Variants in MPDZ observed in about 807,000 individuals in gnomAD.
MPDZ encodes the protein multiple PDZ domain protein.
A neutral mutation model predicts 239.1 loss-of-function variants in MPDZ; 234 were observed. The observed-to-expected ratio is 0.98, with a 90% CI of 0.88 to 1.09. The LOEUF is 1.09. Among genes scored for constraint, MPDZ ranks in the 50% least tolerant of loss-of-function variants. MPDZ has a pLI of 0.00. For missense variants in MPDZ, 3,175 were observed against 2,510.0 expected (o/e 1.26, Z -5.66); for synonymous variants, 1,048 against 881.3 (o/e 1.19, Z -3.35).
At chr9:13,227,942 G>A (rs2136561105) in intron 3 of MPDZ, among the ~76,000 whole-genome samples, 1 of 152,152 alleles carries the variant, frequency 6.6e-6, no homozygotes, top group Non-Finnish European at 1.5e-5. Context: ...AGGCACCTTT[G>A]ATTATGCTGT....
rs1052016394 is a variant in MPDZ at position 13,186,304 on chromosome 9, G to A, written c.2447C>T (p.Ala816Val). 1.9e-6 allele frequency: 3 copies of A among 1,594,490 alleles called. No individual in the cohort carries two copies. The highest frequency in any genetic ancestry group is 2.6e-6 in the Non-Finnish European group (3 of 1,169,800). ...GTCAGCCCTGAAGAGGGGTTTGTCA[G>A]CCAGCCCTGCTTCCTCACAGGAGTG... ...PPHSCEEAGL[A>V]DKPLFRADLA... is the part of the protein sequence containing the mutation. The change falls in exon 18 of 47, where the codon GCT (alanine) becomes GTT (valine). Residue 816 changes from alanine (A) to valine (V), a missense_variant. By Grantham distance (64) the Ala-to-Val change is moderately conservative. Transcript: ENST00000319217.
intron 2 of MPDZ, among the ~76,000 whole-genome samples, chr9:13,248,507 T>C (rs1480718990): frequency 6.6e-6 from 1 of 152,084 alleles, no homozygotes; most frequent in Non-Finnish European, 1.5e-5. Flanking sequence ...CCACCACAAA[T>C]AATAGTTAAA....
At chr9:13,171,391 G>A (rs770294138) in intron 21 of MPDZ, among the ~76,000 whole-genome samples, 1 of 152,224 alleles carries the variant, frequency 6.6e-6, no homozygotes, top group Non-Finnish European at 1.5e-5. Context: ...GTATTGTACG[G>A]TCTATGTGAA....
At chr9:13,182,266 G>C (rs1436943049) in intron 19 of MPDZ, among the ~76,000 whole-genome samples, 1 of 151,660 alleles carries the variant, frequency 6.6e-6, no homozygotes, top group African/African-American at 2.4e-5. Flanking sequence ...GTATGTTTAT[G>C]GTATATTTCC....
intron 26 of MPDZ, among the ~76,000 whole-genome samples, chr9:13,144,732 G>C (rs571841126): frequency 6.6e-6 from 1 of 152,168 alleles, no homozygotes; most frequent in East Asian, 1.9e-4. Flanking sequence ...TTTTCCTACA[G>C]AGGGAAGACA....
intron 1 of MPDZ, among the ~76,000 whole-genome samples, chr9:13,277,447 C>CA (rs1048399734): frequency 1.1e-4 from 16 of 152,152 alleles, no homozygotes; most frequent in Admixed American, 1.0e-3. Flanking sequence ...AAGGGGTACC[C>CA]AAAACTAGTT....
intron 3 of MPDZ, among the ~76,000 whole-genome samples, chr9:13,236,431 T>A (rs1246081283): frequency 6.7e-6 from 1 of 150,228 alleles, no homozygotes; most frequent in Non-Finnish European, 1.5e-5. Flanking sequence ...TACAGGCATG[T>A]ACCACCCACC....
chr9:13,220,314 A>G (rs1232031220), intron 7 of MPDZ, among the ~76,000 whole-genome samples: 1 of 152,006 alleles, frequency 6.6e-6, no homozygotes, highest in African/African-American at 2.4e-5. Context: ...ATGAGCCTCC[A>G]TACACATGCA....
intron 12 of MPDZ, among the ~76,000 whole-genome samples, chr9:13,198,876 G>A (rs1193904852): frequency 1.3e-5 from 2 of 151,292 alleles, no homozygotes; most frequent in African/African-American, 2.4e-5. Flanking sequence ...TGGCTATTTG[G>A]AGTCATTTGT....
At chr9:13,244,837 C>G (rs777225023) in intron 3 of MPDZ, among the ~76,000 whole-genome samples, 2 of 152,056 alleles carry the variant, frequency 1.3e-5, no homozygotes, top group African/African-American at 4.8e-5. Context: ...GTCATTAATA[C>G]AACAATATGA....
rs199812658 is a variant in MPDZ, at chr9:13,217,249, C to T, written c.1132G>A (p.Val378Ile). The change falls in exon 9 of 47, where the codon GTA becomes ATA. Residue 378 changes from valine to isoleucine, a missense_variant. Physicochemically the swap from Val to Ile is conservative, Grantham distance 29 (BLOSUM62 3). Transcript: ENST00000319217. ...QKGEESETFD[V>I]ELTKNVQGLG... ...CCTTGGACATTTTTAGTGAGTTCTA[C>T]ATCAAATGTCTCACTTTCTTCACCT... is the stretch of plus-strand genomic sequence containing the variant. 2.0e-5 allele frequency: 32 copies of T among 1,603,934 alleles called. No individual in the cohort carries two copies. The Admixed American group carries it at 4.4e-4, about 22-fold the overall frequency.
intron 32 of MPDZ, among the ~76,000 whole-genome samples, chr9:13,127,146 T>G (rs144081525): frequency 6.6e-6 from 1 of 152,214 alleles, no homozygotes; most frequent in South Asian, 2.1e-4. Context: ...GAATCCCGCT[T>G]CTTCTCTGGC....
At chr9:13,225,564 T>C (rs1279625670) in intron 3 of MPDZ, among the ~76,000 whole-genome samples, 1 of 151,984 alleles carries the variant, frequency 6.6e-6, no homozygotes, top group Non-Finnish European at 1.5e-5. Context: ...TATACAGGTG[T>C]ACCATTTTTT....
At position 13,150,594 on chromosome 9, in the gene MPDZ, T is replaced by C. The variant is rs774639106; in HGVS notation, c.3547A>G (p.Arg1183Gly). ...AGAACATGTTTGATGAAAATGCCCC[T>C]CATCACTTCTCCATTGCTTAGCCGA... is the stretch of plus-strand genomic sequence containing the variant. ...GSRLSNGEVM[R>G]GIFIKHVLED... The change falls in exon 25 of 47, where the codon AGG becomes GGG. Residue 1183 changes from arginine (R) to glycine (G), a missense_variant. Arg to Gly is a moderately radical substitution (Grantham distance 125, BLOSUM62 -2). Transcript: ENST00000319217. 6.4e-7 allele frequency: 1 copy of C among 1,560,336 alleles called. No individual in the cohort carries two copies. The highest frequency in any genetic ancestry group is 8.7e-7 in the Non-Finnish European group (1 of 1,151,726).
chr9:13,213,800 A>T (rs1299699595), intron 10 of MPDZ, among the ~76,000 whole-genome samples: 2 of 152,072 alleles, frequency 1.3e-5, no homozygotes, highest in Admixed American at 6.6e-5. Flanking sequence ...TTCCACTTAT[A>T]TAAGAATGAA....
In MPDZ at chr9:13,224,461, C is replaced by T; in HGVS notation, c.306G>A (p.Leu102=). The T allele has an allele frequency of 6.2e-7, 1 of 1,612,962 alleles. No homozygotes were observed. The highest frequency in any genetic ancestry group is 8.5e-7 in the Non-Finnish European group (1 of 1,179,316). The change falls in exon 4 of 47, where the codon CTG becomes CTA. Residue 102 remains leucine (L), a synonymous_variant. Coordinates refer to ENST00000319217, the MANE Select transcript of MPDZ (RefSeq NM_001378778.1). ...SFLLSPNNGN[L]EALTGPGIPH... Reference sequence around the variant, plus strand: ...GAATACCAGGTCCTGTAAGTGCTTCCAGATTCCCATTGTTTGGGGATAATA... The same window carrying T: ...GAATACCAGGTCCTGTAAGTGCTTCTAGATTCCCATTGTTTGGGGATAATA...
Position 13,236,661 on chromosome 9 carries a change from G to A in MPDZ, c.183+10974C>T, listed in dbSNP as rs1041672284. Reference sequence around the variant, plus strand: ...ACTAAAACCTTTGGGAATATACTTAGGTAAAAAAATTAAAACTCCCACTTC... The same window carrying A: ...ACTAAAACCTTTGGGAATATACTTAAGTAAAAAAATTAAAACTCCCACTTC... On this transcript the variant is annotated intron_variant, in intron 3 of 46. Coordinates refer to ENST00000319217, the MANE Select transcript of MPDZ (RefSeq NM_001378778.1). Among the ~76,000 whole-genome samples, 6 of 150,880 alleles carry A rather than the reference G, an allele frequency of 4.0e-5. No individual in the cohort carries two copies. The South Asian group carries it at 1.3e-3, about 32-fold the overall frequency.
intron 1 of MPDZ, among the ~76,000 whole-genome samples, chr9:13,276,191 C>T (rs1466919388): frequency 6.6e-6 from 1 of 152,192 alleles, no homozygotes; most frequent in African/African-American, 2.4e-5. Flanking sequence ...CCTAATCCAT[C>T]TATTACTACC....
intron 30 of MPDZ, 24 bp from the exon 31 acceptor site, chr9:13,136,206 T>C (rs1259414921): frequency 1.4e-6 from 2 of 1,462,792 alleles, no homozygotes; most frequent in Non-Finnish European, 9.5e-7. Flanking sequence ...AACAACAACC[T>C]ATTATAACAT....
Sources: gnomAD v4.1 joint callset for allele counts (sites outside exome capture counted in the v4.1 genomes callset) on GRCh38, gnomAD v4.1.1 for gene constraint, MANE v1.5 for transcripts, NCBI Gene and HGNC (gene_info 2026-07-23, HGNC 2026-07-21) for gene names.